TNNI3K: variants seen among roughly 807,000 people sequenced by gnomAD.
The protein encoded by TNNI3K is serine/threonine-protein kinase TNNI3K.
TNNI3K carries 140 observed loss-of-function variants against 114.5 expected under a neutral mutation model. The ratio of observed to expected loss-of-function variants is 1.22; its 90% confidence interval spans 1.07 to 1.41. The LOEUF is 1.41. TNNI3K is among the 40% of genes most tolerant of loss of function. The probability of loss-of-function intolerance (pLI) is 0.00; values close to 1 mark genes in which losing one functional copy is unlikely to be tolerated. For synonymous variants in TNNI3K, 347 were observed against 347.5 expected, an observed-to-expected ratio of 1.00 and a Z score of 0.02; for missense variants, 1,125 against 1,007.6, an observed-to-expected ratio of 1.12 and a Z score of -1.58.
At chr1:74,277,942 T>C (rs533878336) in intron 5 of TNNI3K, among the ~76,000 whole-genome samples, 130 of 152,328 alleles carry the variant, frequency 8.5e-4, no homozygotes, top group African/African-American at 3.1e-3. Flanking sequence ...TGGAACTTAT[T>C]TCTGATTTCA....
intron 5 of TNNI3K, among the ~76,000 whole-genome samples, chr1:74,293,704 T>G (rs1657811012): frequency 6.6e-6 from 1 of 151,724 alleles, no homozygotes; most frequent in Admixed American, 6.6e-5. Context: ...TCATTGGCAC[T>G]CTAGAACAAT....
chr1:74,379,885 A>C (rs572073224), intron 17 of TNNI3K, among the ~76,000 whole-genome samples: 2 of 152,134 alleles, frequency 1.3e-5, no homozygotes, highest in African/African-American at 2.4e-5. Context: ...AGGGCCAGTT[A>C]AAATGTTGTT....
intron 17 of TNNI3K, chr1:74,416,382 G>T (rs1665115995): frequency 1.0e-6 from 1 of 978,796 alleles, no homozygotes. Context: ...AGAAGGAGCT[G>T]TGGAACTAGC....
At chr1:74,246,456 G>A (rs916708393) in intron 2 of TNNI3K, among the ~76,000 whole-genome samples, 1 of 152,202 alleles carries the variant, frequency 6.6e-6, no homozygotes, top group Admixed American at 6.5e-5. Context: ...AATAAAAAGG[G>A]AATGAAAACT....
intron 11 of TNNI3K, among the ~76,000 whole-genome samples, chr1:74,359,163 G>A (rs988705834): frequency 6.6e-6 from 1 of 151,912 alleles, no homozygotes; most frequent in Non-Finnish European, 1.5e-5. Context: ...ATTATTTAAT[G>A]ACCTTGTGCA....
intron 5 of TNNI3K, among the ~76,000 whole-genome samples, chr1:74,273,128 G>A (rs1570402605): frequency 1.3e-5 from 2 of 151,884 alleles, no homozygotes; most frequent in African/African-American, 4.8e-5. Context: ...AAACAGAGGT[G>A]ATCCATCTCC....
intron 17 of TNNI3K, among the ~76,000 whole-genome samples, chr1:74,400,072 A>G (rs1401136223): frequency 1.3e-5 from 2 of 152,222 alleles, no homozygotes; most frequent in African/African-American, 2.4e-5. Context: ...CTTAAAGAAT[A>G]AAATACATTT....
intron 20 of TNNI3K, among the ~76,000 whole-genome samples, chr1:74,443,429 G>C (rs1301912241): frequency 1.3e-5 from 2 of 151,862 alleles, no homozygotes; most frequent in Non-Finnish European, 2.9e-5. Flanking sequence ...TAAATACCTG[G>C]ATATGTACAC....
At chr1:74,543,121 C>CTGGA (rs1646747840) in intron 24 of TNNI3K, among the ~76,000 whole-genome samples, 2 of 111,590 alleles carry the variant, frequency 1.8e-5, no homozygotes, top group African/African-American at 3.5e-5. Context: ...TGTTGCTAGG[C>CTGGA]TGGAGTGCGG....
At chr1:74,343,473 T>C (rs1660851563) in intron 9 of TNNI3K, among the ~76,000 whole-genome samples, 1 of 152,176 alleles carries the variant, frequency 6.6e-6, no homozygotes, top group Admixed American at 6.5e-5. Context: ...TCTGTAAGCA[T>C]ATTGCTTCTA....
intron 7 of TNNI3K, among the ~76,000 whole-genome samples, chr1:74,339,295 C>T (rs116106553): frequency 6.6e-6 from 1 of 152,256 alleles, no homozygotes; most frequent in Admixed American, 6.5e-5. Flanking sequence ...GCGTGACTCA[C>T]ATTTTTAAGT....
chr1:74,446,817 T>A (rs1343346244), intron 20 of TNNI3K, among the ~76,000 whole-genome samples: 2 of 149,478 alleles, frequency 1.3e-5, no homozygotes, highest in African/African-American at 2.5e-5. Flanking sequence ...CCATTGCTTG[T>A]TTTTCTCAGA....
intron 17 of TNNI3K, among the ~76,000 whole-genome samples, chr1:74,396,353 G>GCT (rs1490456838): frequency 6.6e-6 from 1 of 152,140 alleles, no homozygotes; most frequent in Non-Finnish European, 1.5e-5. Flanking sequence ...CCCTCTTAGA[G>GCT]AAGTCCCTGT....
intron 5 of TNNI3K, among the ~76,000 whole-genome samples, chr1:74,274,986 A>G (rs1363044513): frequency 1.3e-5 from 2 of 152,090 alleles, no homozygotes; most frequent in African/African-American, 2.4e-5. Context: ...ACTCATATGT[A>G]TCACTTTCAC....
At chr1:74,513,196 C>T (rs757255391) in intron 23 of TNNI3K, among the ~76,000 whole-genome samples, 10 of 152,112 alleles carry the variant, frequency 6.6e-5, no homozygotes, top group Admixed American at 1.3e-4. Context: ...AGAAAGAGTC[C>T]GAATGACCCA....
intron 17 of TNNI3K, among the ~76,000 whole-genome samples, chr1:74,405,786 A>G (rs1313493078): frequency 6.6e-6 from 1 of 152,194 alleles, no homozygotes; most frequent in Non-Finnish European, 1.5e-5. Context: ...TGTTAGAATA[A>G]GCCAACTGAG....
chr1:74,542,367 C>A (rs1646737425), intron 24 of TNNI3K, among the ~76,000 whole-genome samples: 3 of 152,152 alleles, frequency 2.0e-5, no homozygotes, highest in Admixed American at 1.3e-4. Context: ...TCTACCTATG[C>A]CTGAAATGAA....
chr1:74,436,989 G>A (rs1267095977), intron 19 of TNNI3K, among the ~76,000 whole-genome samples: 1 of 151,892 alleles, frequency 6.6e-6, no homozygotes, highest in East Asian at 1.9e-4. Flanking sequence ...AATAACTGAA[G>A]CAAGGATAAT....
chr1:74,239,503 A>C (rs188083762), intron 2 of TNNI3K, among the ~76,000 whole-genome samples: 22 of 152,220 alleles, frequency 1.4e-4, no homozygotes, highest in South Asian at 4.1e-4. Context: ...TGTGATAAAC[A>C]ATTATGTTAT....
Sources: allele counts gnomAD v4.1 joint callset (sites outside exome capture counted in the v4.1 genomes callset), GRCh38; gene constraint gnomAD v4.1.1; transcripts MANE v1.5; gene names NCBI Gene and HGNC (gene_info 2026-07-23, HGNC 2026-07-21).